The following WIPI2 variants were observed in gnomAD, a reference collection of about 807,000 sequenced individuals.
The protein encoded by WIPI2 is WD repeat domain phosphoinositide-interacting protein 2.
Under a neutral mutation model 52.3 loss-of-function variants are expected in WIPI2, and 28 were observed. The observed-to-expected ratio is 0.54, with a 90% CI of 0.40 to 0.73. The LOEUF (loss-of-function observed/expected upper bound fraction) is 0.73. Among genes scored for constraint, WIPI2 ranks in the 30% least tolerant of loss-of-function variants. WIPI2 has a pLI of 0.00. For missense variants in WIPI2, 506 were observed against 602.9 expected (o/e 0.84, Z 1.68); for synonymous variants, 268 against 245.0 (o/e 1.09, Z -0.88).
chr7:5,211,322 A>G (rs573876181), intron 3 of WIPI2, among the ~76,000 whole-genome samples: 4 of 152,270 alleles, frequency 2.6e-5, no homozygotes, highest in African/African-American at 9.6e-5. Context: ...AAATACAAAA[A>G]TTAGGCAGGC....
At chr7:5,194,229 G>C (rs1255493942) in intron 2 of WIPI2, among the ~76,000 whole-genome samples, 2 of 152,032 alleles carry the variant, frequency 1.3e-5, no homozygotes, top group African/African-American at 2.4e-5. Context: ...GGGGATGGGG[G>C]TGGGCTGTCC....
chr7:5,214,849 C>A, intron 4 of WIPI2, 145 bp downstream of exon 4: 1 of 923,316 alleles, frequency 1.1e-6, no homozygotes, highest in Non-Finnish European at 1.6e-6. Flanking sequence ...CTACAGAGAC[C>A]AGCTCTGTTT....
intron 11 of WIPI2, among the ~76,000 whole-genome samples, chr7:5,228,953 A>G (rs896832623): frequency 6.6e-6 from 1 of 152,226 alleles, no homozygotes; most frequent in East Asian, 1.9e-4. Context: ...CCTAGGCTCA[A>G]GTGAGCCTCC....
rs949563908 is a variant in WIPI2 at position 5,218,115 on chromosome 7, C to G, written c.669+101C>G. 11 of 1,270,678 alleles carry G rather than the reference C, an allele frequency of 8.7e-6. No individual in the cohort carries two copies. In the South Asian group the frequency reaches 1.1e-4, roughly 13 times the overall value. The allele number at this position is 1,270,678 out of a possible 1,614,324, so 78.7% of individuals were successfully genotyped here. On this transcript the variant is annotated intron_variant, in intron 7 of 12. Transcript: ENST00000288828. ...CCTTAGAGGCAAGGTCCTATACTTA[C>G]CAGCTCCGGGAGAAGCAAAGACAGC...
At chr7:5,217,662 C>G (rs1211460541) in intron 6 of WIPI2, 3 of 488,832 alleles carry the variant, frequency 6.1e-6, no homozygotes, top group East Asian at 7.7e-5. Flanking sequence ...CTGCGGCGTT[C>G]AGAGCAGTGC....
At chr7:5,211,217 A>G (rs1436803172) in intron 3 of WIPI2, among the ~76,000 whole-genome samples, 2 of 152,182 alleles carry the variant, frequency 1.3e-5, no homozygotes, top group African/African-American at 2.4e-5. Flanking sequence ...CACGCCTGTA[A>G]TCCAAGCACT....
intron 11 of WIPI2, among the ~76,000 whole-genome samples, chr7:5,229,174 C>G (rs1448178189): frequency 6.6e-6 from 1 of 152,182 alleles, no homozygotes; most frequent in Non-Finnish European, 1.5e-5. Context: ...TGCCACCATG[C>G]CCTGCTAATT....
At chr7:5,192,914 A>G (rs902512741) in intron 1 of WIPI2, among the ~76,000 whole-genome samples, 1 of 152,210 alleles carries the variant, frequency 6.6e-6, no homozygotes, top group African/African-American at 2.4e-5. Context: ...TAGAATATAT[A>G]TGTTATAGGG....
chr7:5,196,595 A>C (rs1335321128), intron 2 of WIPI2, among the ~76,000 whole-genome samples: 1 of 152,058 alleles, frequency 6.6e-6, no homozygotes, highest in African/African-American at 2.4e-5. Context: ...ACAGCAGAGA[A>C]CTGGGATGTC....
chr7:5,230,881 C>T lies in WIPI2; in HGVS notation c.1299C>T (p.Asp433=), dbSNP rs989888918. The T allele has an allele frequency of 1.2e-5, 19 of 1,613,732 alleles. No homozygotes were observed. The African/African-American group carries it at 1.5e-4, about 12-fold the overall frequency. The change falls in exon 13 of 13, where the codon GAC becomes GAT. Residue 433 remains aspartate (D), a synonymous_variant. Transcript: ENST00000288828. The surrounding 1 kb of genome is among the most constrained non-coding windows in gnomAD (Gnocchi z 4.8). ...LGAVGGACLE[D]EASALRLDED... is the part of the protein sequence containing the mutation. ...CTGTGGGTGGCGCCTGCCTGGAGGA[C>T]GAGGCCAGCGCCCTGCGCCTGGATG...
intron 3 of WIPI2, among the ~76,000 whole-genome samples, chr7:5,200,958 C>G (rs1781997950): frequency 6.6e-6 from 1 of 152,312 alleles, no homozygotes; most frequent in East Asian, 1.9e-4. Context: ...CTTTCTTTGT[C>G]CTTAGACTTG....
rs932295308 is a variant in WIPI2, at chr7:5,232,165, C to A, written c.*1218C>A. ...ATGGCAGGAGAGATGGTTTTAGAATCTATGGAGTGGTGGAAGTTACGGATA... is the reference window on the plus strand; with the variant it reads ...ATGGCAGGAGAGATGGTTTTAGAATATATGGAGTGGTGGAAGTTACGGATA... On this transcript the variant is annotated 3_prime_UTR_variant, in exon 13 of 13. Coordinates refer to ENST00000288828, the MANE Select transcript of WIPI2 (RefSeq NM_015610.4). The A allele has an allele frequency of 2.5e-6, 1 of 398,744 alleles. No homozygotes were observed. The highest frequency in any genetic ancestry group is 2.1e-5 in the African/African-American group (1 of 48,644). 24.7% of individuals were successfully genotyped at this position (398,744 alleles called of 1,614,324 possible). A position where few individuals can be genotyped will look rare whatever the true frequency, so the allele number is the denominator to read the frequency against.
At position 5,233,455 on chromosome 7, in the gene WIPI2, T is replaced by C. The variant is rs575180285; in HGVS notation, c.*2508T>C. 13 of 152,506 alleles carry C rather than the reference T, an allele frequency of 8.5e-5. No homozygotes were observed. The highest frequency in any genetic ancestry group is 3.1e-4 in the African/African-American group (13 of 41,580). The allele number at this position is 152,506 out of a possible 1,614,324, so 9.4% of individuals were successfully genotyped here. On this transcript the variant is annotated 3_prime_UTR_variant, in exon 13 of 13. Transcript: ENST00000288828. ...ACTCCAAACTGTACACTCATATTCA[T>C]TTTTAAATTGTATTTTTCCAAACTT...
intron 4 of WIPI2, 176 bp from the exon 5 acceptor site, chr7:5,216,383 GATCA>G: frequency 8.4e-6 from 4 of 476,270 alleles, no homozygotes; most frequent in Non-Finnish European, 1.1e-5. Flanking sequence ...AGTGAGCCGA[GATCA>G]CACCACTGCA....
chr7:5,225,826 C>G lies in WIPI2; in HGVS notation c.744C>G (p.Cys248Trp). 1.2e-6 allele frequency: 2 copies of G among 1,610,966 alleles called. No individual in the cohort carries two copies. The highest frequency in any genetic ancestry group is 1.7e-6 in the Non-Finnish European group (2 of 1,179,030). ...CCCAACCTGTGCGTCTCCCCAGGTGCGTGAGCATCTGCTCCCTGGCCTTCA... is the reference window on the plus strand; with the variant it reads ...CCCAACCTGTGCGTCTCCCCAGGTGGGTGAGCATCTGCTCCCTGGCCTTCA... ...LFEFRRGVKR[C>W]VSICSLAFSM... Residue 248 changes from cysteine (C) to tryptophan (W), a missense_variant, in exon 9 of 13, where the codon TGC (cysteine) becomes TGG (tryptophan). Transcript: ENST00000288828.
intron 1 of WIPI2, among the ~76,000 whole-genome samples, chr7:5,192,373 G>A (rs1781526176): frequency 6.6e-6 from 1 of 152,138 alleles, no homozygotes; most frequent in Non-Finnish European, 1.5e-5. Flanking sequence ...CCAAAACATT[G>A]TCGGCCACTC....
At position 5,218,021 on chromosome 7, in the gene WIPI2, C is replaced by A. The variant is rs1207281029; in HGVS notation, c.669+7C>A. Reference sequence around the variant, plus strand: ...TGCCACGGCTTCGGAGAAGGTGAGTCTGCTTTTCCCCGGGGGAGCACTGGT... The same window carrying A: ...TGCCACGGCTTCGGAGAAGGTGAGTATGCTTTTCCCCGGGGGAGCACTGGT... On this transcript the variant is annotated splice_region_variant and intron_variant, in intron 7 of 12. Transcript: ENST00000288828. The A allele has an allele frequency of 4.3e-6, 7 of 1,613,996 alleles. No homozygotes were observed. Among genetic ancestry groups the A allele is most frequent in the Non-Finnish European group, 5.9e-6 (7 of 1,179,982 alleles).
At chr7:5,220,058 A>G (rs934818699) in intron 7 of WIPI2, among the ~76,000 whole-genome samples, 3 of 151,398 alleles carry the variant, frequency 2.0e-5, no homozygotes, top group Non-Finnish European at 1.5e-5. Context: ...CTGGTTTCAA[A>G]CTCCTGAGCT....
intron 3 of WIPI2, among the ~76,000 whole-genome samples, chr7:5,213,555 AG>A (rs1378932578): frequency 2.6e-5 from 4 of 152,236 alleles, no homozygotes; most frequent in Non-Finnish European, 5.9e-5. Flanking sequence ...CACGCAGCGC[AG>A]GTCTGTAGCC....
Sources: allele counts gnomAD v4.1 joint callset (sites outside exome capture counted in the v4.1 genomes callset), GRCh38; gene constraint gnomAD v4.1.1; non-coding constraint Gnocchi (gnomAD v3.1); transcripts MANE v1.5; gene names NCBI Gene and HGNC (gene_info 2026-07-23, HGNC 2026-07-21).